Variants in COL21A1 observed in about 807,000 individuals in gnomAD.
COL21A1 encodes collagen type XXI alpha 1 chain.
In COL21A1, 149 loss-of-function variants were observed where a neutral mutation model predicts 137.9. The ratio of observed to expected loss-of-function variants is 1.08; its 90% CI spans 0.95 to 1.24. The LOEUF is 1.24. Ranked by LOEUF, COL21A1 falls within the 50% of genes most tolerant of loss-of-function variation. COL21A1 has a pLI of 0.00. For missense variants in COL21A1, 1,167 were observed against 1,158.4 expected, an observed-to-expected ratio of 1.01 and a Z score of -0.11; for synonymous variants, 456 against 391.5, an observed-to-expected ratio of 1.16 and a Z score of -1.95.
intron 24 of COL21A1, among the ~76,000 whole-genome samples, chr6:56,063,686 T>G (rs535180514): frequency 6.6e-6 from 1 of 152,160 alleles, no homozygotes; most frequent in East Asian, 1.9e-4. Context: ...GGCCCTATGC[T>G]TACACTCTTC....
chr6:56,393,428 T>C (rs1020045442), intron 1 of COL21A1, among the ~76,000 whole-genome samples: 13 of 152,070 alleles, frequency 8.5e-5, no homozygotes, highest in African/African-American at 3.1e-4. Context: ...CTCCAGAATA[T>C]TGGTCTGGGC....
intron 1 of COL21A1, among the ~76,000 whole-genome samples, chr6:56,231,578 C>A (rs1421163121): frequency 6.6e-6 from 1 of 151,798 alleles, no homozygotes; most frequent in African/African-American, 2.4e-5. Context: ...GAATCTCTTC[C>A]ATTTCCAATT....
intron 23 of COL21A1, among the ~76,000 whole-genome samples, chr6:56,065,516 C>T (rs555925292): frequency 2.6e-5 from 4 of 152,038 alleles, no homozygotes; most frequent in African/African-American, 9.6e-5. Flanking sequence ...TATAATTAAA[C>T]ATCTGGGTTG....
chr6:56,195,365 T>C (rs761152967), intron 1 of COL21A1, among the ~76,000 whole-genome samples: 17 of 152,154 alleles, frequency 1.1e-4, no homozygotes, highest in Non-Finnish European at 1.9e-4. Flanking sequence ...TTGAAATTTC[T>C]ACAATATCAG....
Position 56,387,523 on chromosome 6 carries a change from G to A in COL21A1, c.-39+6448C>T, listed in dbSNP as rs76733632. ...ATATTAAGGATAGAGGCATTGAATA[G>A]TGTAGGAAAGACAGTCTTGCATTGC... On this transcript the variant is annotated intron_variant, in intron 1 of 28. Coordinates refer to the COL21A1 transcript ENST00000370819. Among the ~76,000 whole-genome samples, 89 of 152,272 alleles carry A rather than the reference G, an allele frequency of 5.8e-4. 2 individuals are homozygous for A. In the East Asian group the frequency reaches 0.016, roughly 27 times the overall value.
chr6:56,193,049 G>A lies in COL21A1; in HGVS notation c.-38-10393C>T, dbSNP rs557100144. Among the ~76,000 whole-genome samples the A allele has an allele frequency of 2.6e-3, 391 of 152,158 alleles. 1 individual carries two copies. Among genetic ancestry groups the A allele is most frequent in the African/African-American group, 9.2e-3 (381 of 41,506 alleles). ...GATGAAGCTGGGAATCACCATTCTCGGCAAACTATTCCAAGAACAGAAAAT... is the reference window on the plus strand; with the variant it reads ...GATGAAGCTGGGAATCACCATTCTCAGCAAACTATTCCAAGAACAGAAAAT... On this transcript the variant is annotated intron_variant, in intron 1 of 29. Coordinates refer to ENST00000244728, the MANE Select transcript of COL21A1 (RefSeq NM_030820.4).
At chr6:56,110,663 C>T (rs573095379) in intron 16 of COL21A1, among the ~76,000 whole-genome samples, 18 of 151,828 alleles carry the variant, frequency 1.2e-4, no homozygotes, top group African/African-American at 3.9e-4. Context: ...AATCAATATA[C>T]CAAAACTAAC....
rs999894851 is a variant in COL21A1 at position 56,350,125 on chromosome 6, C to T, written c.-39+43846G>A. On this transcript the variant is annotated intron_variant, in intron 1 of 28. Coordinates refer to the COL21A1 transcript ENST00000370819. ...TAGACTAGCCAATTCAGAACATGGC[C>T]CCCAGTCAAAATTATCAGAAGGAAT... Among the ~76,000 whole-genome samples, 6 of 152,118 alleles carry T rather than the reference C, an allele frequency of 3.9e-5. No individual in the cohort carries two copies. The East Asian group carries it at 1.2e-3, about 29-fold the overall frequency.
intron 10 of COL21A1, among the ~76,000 whole-genome samples, chr6:56,150,959 C>G (rs1775271537): frequency 6.6e-6 from 1 of 152,170 alleles, no homozygotes; most frequent in Non-Finnish European, 1.5e-5. Context: ...GGCGGTGGCT[C>G]ACGCCTGTAA....
Position 56,273,298 on chromosome 6 carries a change from A to G in COL21A1, c.-38-90642T>C, listed in dbSNP as rs555594487. On this transcript the variant is annotated intron_variant, in intron 1 of 28. Transcript: ENST00000370819. ...CATCGAGAAGTTAGAAACATCTCAA[A>G]TTAACAACCTAACTTTGCACTTACA... 1.6e-3 allele frequency among the ~76,000 whole-genome samples: 248 copies of G among 152,326 alleles called. 1 individual carries two copies. Among genetic ancestry groups the G allele is most frequent in the African/African-American group, 5.7e-3 (236 of 41,574 alleles).
chr6:56,075,804 C>T (rs1328161462), intron 18 of COL21A1, among the ~76,000 whole-genome samples: 1 of 151,084 alleles, frequency 6.6e-6, no homozygotes, highest in Non-Finnish European at 1.5e-5. Context: ...AGTTGGTAAA[C>T]AACAGAAATA....
chr6:56,178,223 T>TTCAAAA (rs1239267320), intron 3 of COL21A1, among the ~76,000 whole-genome samples: 3 of 152,108 alleles, frequency 2.0e-5, no homozygotes, highest in Non-Finnish European at 4.4e-5. Flanking sequence ...TATACCTGGC[T>TTCAAAA]TCAAAATCAA....
At chr6:56,196,027 T>C (rs1446716151) in intron 1 of COL21A1, among the ~76,000 whole-genome samples, 2 of 152,268 alleles carry the variant, frequency 1.3e-5, no homozygotes, top group African/African-American at 2.4e-5. Context: ...ATGCATGACC[T>C]AGTGGGATTT....
At chr6:56,067,371 T>G in intron 22 of COL21A1, 41 bp from the exon 23 acceptor site, 1 of 1,537,408 alleles carries the variant, frequency 6.5e-7, no homozygotes, top group Non-Finnish European at 8.9e-7. Flanking sequence ...ATCTAGCATA[T>G]TCTGTACAGT....
chr6:56,106,847 C>T (rs1770958693), intron 16 of COL21A1, among the ~76,000 whole-genome samples: 1 of 151,704 alleles, frequency 6.6e-6, no homozygotes, highest in South Asian at 2.1e-4. Flanking sequence ...AGTGCAGTGG[C>T]GCCATCTCGG....
rs548085098 is a variant in COL21A1, at chr6:56,375,849, A to G, written c.-39+18122T>C. 2.0e-4 allele frequency among the ~76,000 whole-genome samples: 30 copies of G among 152,288 alleles called. 1 individual carries two copies. The South Asian group carries it at 6.2e-3, about 32-fold the overall frequency. ...TTGAATGAGAATGAGGGTAGCAGAC[A>G]TATTGCATTCAGTTTAGACATGTTC... is the stretch of plus-strand genomic sequence containing the variant. On this transcript the variant is annotated intron_variant, in intron 1 of 28. Transcript: ENST00000370819.
At chr6:56,284,150 G>A (rs921674597) in intron 1 of COL21A1, among the ~76,000 whole-genome samples, 1 of 152,004 alleles carries the variant, frequency 6.6e-6, no homozygotes, top group East Asian at 1.9e-4. Flanking sequence ...TGGGTTCAAG[G>A]GATCCTCCCA....
At chr6:56,210,518 T>C (rs1200894485) in intron 1 of COL21A1, among the ~76,000 whole-genome samples, 1 of 152,168 alleles carries the variant, frequency 6.6e-6, no homozygotes, top group Non-Finnish European at 1.5e-5. Context: ...GGACTACCAG[T>C]GGCTGCTAAT....
chr6:56,093,578 T>A (rs1769054455), intron 17 of COL21A1, among the ~76,000 whole-genome samples: 1 of 152,136 alleles, frequency 6.6e-6, no homozygotes, highest in African/African-American at 2.4e-5. Flanking sequence ...CCATCAGATT[T>A]CATGACCTAG....
Sources: allele counts gnomAD v4.1 joint callset (sites outside exome capture counted in the v4.1 genomes callset), GRCh38; gene constraint gnomAD v4.1.1; transcripts MANE v1.5; gene names NCBI Gene and HGNC (gene_info 2026-07-23, HGNC 2026-07-21).